The following ELOVL6 variants were observed in gnomAD, a reference collection of about 807,000 sequenced individuals.
ELOVL6 encodes the protein very long chain fatty acid elongase 6.
Under a neutral mutation model 31.7 loss-of-function variants are expected in ELOVL6, and 8 were observed. That is an observed-to-expected ratio of 0.25 (90% confidence interval 0.15 to 0.45). ELOVL6 has a LOEUF of 0.45. ELOVL6 is among the 20% of genes least tolerant of loss of function. ELOVL6 has a pLI of 1.00. For synonymous variants in ELOVL6, 101 were observed against 117.7 expected (o/e 0.86, Z 0.92); for missense variants, 126 against 326.4 (o/e 0.39, Z 4.73).
chr4:110,177,454 A>AAATAAT (rs141020839), intron 1 of ELOVL6, among the ~76,000 whole-genome samples: 45 of 151,282 alleles, frequency 3.0e-4, no homozygotes, highest in South Asian at 1.3e-3. Context: ...ATAAATTAAT[A>AAATAAT]AATAATAATA....
upstream of ELOVL6, chr4:110,199,026 C>A (rs1303758796): frequency 1.3e-5 from 2 of 152,278 alleles, no homozygotes; most frequent in African/African-American, 2.4e-5. Flanking sequence ...CCCACCTCCT[C>A]GCCCTACCTC....
At chr4:110,095,619 T>G (rs912426740) in intron 2 of ELOVL6, among the ~76,000 whole-genome samples, 1 of 152,134 alleles carries the variant, frequency 6.6e-6, no homozygotes, top group African/African-American at 2.4e-5. Flanking sequence ...AAGGCAAGAT[T>G]GTACATTTTT....
chr4:110,108,420 A>G (rs1197068941), intron 1 of ELOVL6, among the ~76,000 whole-genome samples: 1 of 152,164 alleles, frequency 6.6e-6, no homozygotes, highest in Non-Finnish European at 1.5e-5. Flanking sequence ...TTTTTCTCCA[A>G]TTTCCTAACT....
rs1277918799 is a variant in ELOVL6 at position 110,049,143 on chromosome 4, C to A, written c.*2195G>T. On this transcript the variant is annotated 3_prime_UTR_variant, in exon 4 of 4. Transcript: ENST00000302274. ...CTCAAAATAACATTTGCATCCTAAG[C>A]ATCTATTAGCTCTTATAAAAGGACC... 6.6e-6 allele frequency: 1 copy of A among 152,240 alleles called. No individual in the cohort carries two copies. Among genetic ancestry groups the A allele is most frequent in the African/African-American group, 2.4e-5 (1 of 41,470 alleles). 9.4% of individuals were successfully genotyped at this position (152,240 alleles called of 1,614,324 possible). A position where few individuals can be genotyped will look rare whatever the true frequency, so the allele number is the denominator to read the frequency against.
chr4:110,076,762 G>A (rs983131259), intron 2 of ELOVL6, among the ~76,000 whole-genome samples: 19 of 152,162 alleles, frequency 1.2e-4, no homozygotes, highest in African/African-American at 1.9e-4. Context: ...GCAGCGCACC[G>A]AGTGTGAGCC....
chr4:110,098,289 TACA>T (rs79225183), intron 2 of ELOVL6, among the ~76,000 whole-genome samples: 21,037 of 152,056 alleles, frequency 0.14, 1,637 homozygotes, highest in African/African-American at 0.19. Flanking sequence ...ACCAATAAAG[TACA>T]ACATTTGTGT....
chr4:110,150,114 G>A (rs1046351719), intron 1 of ELOVL6, among the ~76,000 whole-genome samples: 2 of 151,928 alleles, frequency 1.3e-5, no homozygotes, highest in African/African-American at 4.8e-5. Flanking sequence ...GTCTCACTAT[G>A]TGGCCCAGGC....
At chr4:110,159,764 AC>A (rs908835414) in intron 1 of ELOVL6, among the ~76,000 whole-genome samples, 10 of 152,196 alleles carry the variant, frequency 6.6e-5, no homozygotes, top group Non-Finnish European at 1.3e-4. Context: ...ACAAAAATTC[AC>A]ACTTTCAACA....
chr4:110,097,305 C>CAAAAA (rs33970271), intron 2 of ELOVL6, among the ~76,000 whole-genome samples: 6 of 88,686 alleles, frequency 6.8e-5, no homozygotes, highest in African/African-American at 2.0e-4. Context: ...ACTCCATCTC[C>CAAAAA]AAAAAAAAAA....
chr4:110,118,496 A>C lies in ELOVL6; in HGVS notation c.90-12868T>G, dbSNP rs1757252281. On this transcript the variant is annotated intron_variant, in intron 1 of 3. Transcript: ENST00000302274. The stretch of plus-strand genomic sequence containing the variant: ...TTCAACTTTTTTAGATTTCACATAT[A>C]AATGAAATCACACAATAACATTTCT... 2.0e-5 allele frequency among the ~76,000 whole-genome samples: 3 copies of C among 152,236 alleles called. 1 individual carries two copies. Among genetic ancestry groups the C allele is most frequent in the African/African-American group, 7.2e-5 (3 of 41,468 alleles).
intron 1 of ELOVL6, among the ~76,000 whole-genome samples, chr4:110,120,786 TTTTTTTCTTTTC>T (rs1293871548): frequency 6.1e-5 from 9 of 148,250 alleles, no homozygotes; most frequent in Non-Finnish European, 1.2e-4. Context: ...GTTCTTTTCT[TTTTTTTCTTTTC>T]TTTTTTTTTT....
chr4:110,058,552 G>A (rs895477117), intron 3 of ELOVL6, among the ~76,000 whole-genome samples: 1 of 152,118 alleles, frequency 6.6e-6, no homozygotes, highest in Non-Finnish European at 1.5e-5. Context: ...GAATGGACAC[G>A]GGGCGTGAAC....
chr4:110,054,418 C>T (rs187175928), intron 3 of ELOVL6, among the ~76,000 whole-genome samples: 7 of 152,264 alleles, frequency 4.6e-5, no homozygotes, highest in African/African-American at 1.4e-4. Context: ...TGGACAATAA[C>T]GCAGACACAA....
chr4:110,084,290 T>TATATGATATATATAAC (rs1491517488), intron 2 of ELOVL6, among the ~76,000 whole-genome samples: 1 of 113,322 alleles, frequency 8.8e-6, no homozygotes, highest in African/African-American at 4.4e-5. Context: ...ATATATAACT[T>TATATGATATATATAAC]ATATATGATA....
rs140913700 is a variant in ELOVL6, at chr4:110,075,973, A to G, written c.222-16219T>C. 2.7e-3 allele frequency among the ~76,000 whole-genome samples: 408 copies of G among 152,340 alleles called. 1 individual carries two copies. Among genetic ancestry groups the G allele is most frequent in the Non-Finnish European group, 3.9e-3 (266 of 68,026 alleles). On this transcript the variant is annotated intron_variant, in intron 2 of 3. Coordinates refer to ENST00000302274, the MANE Select transcript of ELOVL6 (RefSeq NM_024090.3). ...ATGCTAAAATAACTTCCTGAAACAC[A>G]TCAAAGTTTCCAACAATGAAGAGTT...
At chr4:110,102,083 T>C (rs538086580) in intron 2 of ELOVL6, among the ~76,000 whole-genome samples, 1 of 152,182 alleles carries the variant, frequency 6.6e-6, no homozygotes, top group Non-Finnish European at 1.5e-5. Flanking sequence ...CATAGAGAAA[T>C]CTCAATATGT....
intron 1 of ELOVL6, among the ~76,000 whole-genome samples, chr4:110,106,322 C>T (rs1213169946): frequency 6.6e-6 from 1 of 152,182 alleles, no homozygotes; most frequent in Non-Finnish European, 1.5e-5. Flanking sequence ...GAGACTCCAT[C>T]TCAAAAGGCA....
intron 1 of ELOVL6, among the ~76,000 whole-genome samples, chr4:110,176,075 C>G (rs1158006899): frequency 6.6e-6 from 1 of 150,790 alleles, no homozygotes; most frequent in Non-Finnish European, 1.5e-5. Context: ...ATCTAGAGCT[C>G]TATCTTCAGA....
rs199561647 is a variant in ELOVL6, at chr4:110,125,658, T to TA, written c.90-20031dup. On this transcript the variant is annotated intron_variant, in intron 1 of 3. Coordinates refer to ENST00000302274, the MANE Select transcript of ELOVL6 (RefSeq NM_024090.3). ...CAACATAGTGAAACCCCATCTCTCT[T>TA]AAAAAAAAAATAAAAAAAATTAGCC... Among the ~76,000 whole-genome samples the TA allele has an allele frequency of 2.2e-3, 327 of 146,492 alleles. 4 individuals carry two copies. The East Asian group carries it at 0.036, about 16-fold the overall frequency.
Sources: gnomAD v4.1 joint callset for allele counts (sites outside exome capture counted in the v4.1 genomes callset) on GRCh38, gnomAD v4.1.1 for gene constraint, MANE v1.5 for transcripts, NCBI Gene and HGNC (gene_info 2026-07-23, HGNC 2026-07-21) for gene names.